RASAL2: variants seen among roughly 807,000 people sequenced by gnomAD.
RASAL2 encodes the protein ras GTPase-activating protein nGAP.
RASAL2 carries 58 observed loss-of-function variants against 128.9 expected under a neutral mutation model. The ratio of observed to expected loss-of-function variants is 0.45; its 90% CI spans 0.36 to 0.56. RASAL2 has a LOEUF of 0.56. Ranked by LOEUF, RASAL2 falls within the 20% of genes least tolerant of loss-of-function variation. The probability of loss-of-function intolerance (pLI) is 0.00; values close to 1 mark genes in which losing one functional copy is unlikely to be tolerated. For missense variants in RASAL2, 1,360 were observed against 1,601.6 expected, an observed-to-expected ratio of 0.85 and a Z score of 2.57; for synonymous variants, 561 against 580.8, an observed-to-expected ratio of 0.97 and a Z score of 0.49.
intron 4 of RASAL2, among the ~76,000 whole-genome samples, chr1:178,414,882 CCCTTTTTACCA>C (rs1674653562): frequency 6.6e-6 from 1 of 152,056 alleles, no homozygotes; most frequent in Non-Finnish European, 1.5e-5. Context: ...ATTATCAAAT[CCCTTTTTACCA>C]TTTTAAGGTC....
chr1:178,421,772 G>A (rs1675157093), intron 5 of RASAL2, among the ~76,000 whole-genome samples: 1 of 151,780 alleles, frequency 6.6e-6, no homozygotes, highest in South Asian at 2.1e-4. Flanking sequence ...ACTTGATGAG[G>A]GACTACTGCT....
At chr1:178,148,743 C>A (rs1660814058) in intron 1 of RASAL2, among the ~76,000 whole-genome samples, 1 of 152,148 alleles carries the variant, frequency 6.6e-6, no homozygotes, top group African/African-American at 2.4e-5. Flanking sequence ...CTCACCCAAC[C>A]CCTTTACCAT....
Position 178,454,492 on chromosome 1 carries a change from A to G in RASAL2, c.2055A>G (p.Leu685=), listed in dbSNP as rs771435820. 6.2e-7 allele frequency: 1 copy of G among 1,613,456 alleles called. No individual in the cohort carries two copies. Among genetic ancestry groups the G allele is most frequent in the Non-Finnish European group, 8.5e-7 (1 of 1,179,518 alleles). Residue 685 remains leucine, a synonymous_variant, in exon 12 of 18, where the codon TTA becomes TTG. Coordinates refer to ENST00000367649, the MANE Select transcript of RASAL2 (RefSeq NM_170692.4). ...EEYMAFMNDF[L]EHEWGGMKRF... ...ACATGGCATTCATGAATGATTTTTT[A>G]GAACATGAATGGGGTGGAATGAAGC...
intron 4 of RASAL2, among the ~76,000 whole-genome samples, chr1:178,397,616 CT>C (rs1030646176): frequency 1.0e-3 from 144 of 144,292 alleles, no homozygotes; most frequent in Admixed American, 1.4e-3. Context: ...TTTTTACTTA[CT>C]TTTTTTTTTT....
At chr1:178,129,092 G>T (rs1660003697) in intron 1 of RASAL2, among the ~76,000 whole-genome samples, 1 of 151,838 alleles carries the variant, frequency 6.6e-6, no homozygotes, top group Non-Finnish European at 1.5e-5. Context: ...AGTTCTCTTT[G>T]GCATATACCT....
intron 1 of RASAL2, among the ~76,000 whole-genome samples, chr1:178,195,588 T>A (rs1334172378): frequency 2.0e-5 from 3 of 152,132 alleles, no homozygotes; most frequent in African/African-American, 7.2e-5. Flanking sequence ...CTGTGAGAAT[T>A]AAAAATAATA....
At chr1:178,150,312 A>G (rs1660868502) in intron 1 of RASAL2, among the ~76,000 whole-genome samples, 3 of 151,926 alleles carry the variant, frequency 2.0e-5, no homozygotes, top group Admixed American at 2.0e-4. Context: ...CTCCCACCTT[A>G]GCCTCCCAAG....
At chr1:178,430,697 A>G (rs756548723) in intron 5 of RASAL2, among the ~76,000 whole-genome samples, 3 of 152,106 alleles carry the variant, frequency 2.0e-5, no homozygotes, top group Admixed American at 6.6e-5. Flanking sequence ...TTATCTACAC[A>G]TATCTTAAAT....
chr1:178,344,700 CTATT>C (rs1260195828), intron 3 of RASAL2, among the ~76,000 whole-genome samples: 1 of 152,134 alleles, frequency 6.6e-6, no homozygotes, highest in Admixed American at 6.5e-5. Context: ...AAGGAGGTGA[CTATT>C]GTATTGTGAA....
At chr1:178,247,532 T>C (rs187394261) in intron 1 of RASAL2, among the ~76,000 whole-genome samples, 33 of 152,290 alleles carry the variant, frequency 2.2e-4, no homozygotes, top group African/African-American at 6.5e-4. Flanking sequence ...CCTGGATTCA[T>C]TTATTTTTTG....
At chr1:178,470,758 A>G (rs779414647) in intron 17 of RASAL2, 14 of 1,358,550 alleles carry the variant, frequency 1.0e-5, no homozygotes, top group Non-Finnish European at 1.4e-5. Context: ...CTAGCTGAGC[A>G]GTTCCCAGCC....
At chr1:178,407,301 C>T (rs1418509816) in intron 4 of RASAL2, among the ~76,000 whole-genome samples, 7 of 152,116 alleles carry the variant, frequency 4.6e-5, no homozygotes, top group Non-Finnish European at 7.4e-5. Flanking sequence ...TAAACTTGAA[C>T]GTTTTCAGTT....
chr1:178,313,714 G>A (rs1668365362), intron 3 of RASAL2, among the ~76,000 whole-genome samples: 1 of 152,122 alleles, frequency 6.6e-6, no homozygotes, highest in South Asian at 2.1e-4. Flanking sequence ...ATATTACATT[G>A]ATGACGACAG....
chr1:178,267,622 C>CTTT lies in RASAL2; in HGVS notation c.203-15927_203-15925dup, dbSNP rs1282624626. Among the ~76,000 whole-genome samples, 63 of 120,472 alleles carry CTTT rather than the reference C, an allele frequency of 5.2e-4. 1 individual carries two copies. The highest frequency in any genetic ancestry group is 2.2e-3 in the South Asian group (8 of 3,682). The allele number at this position is 120,472 out of a possible 152,430, so 79.0% of individuals were successfully genotyped here. ...CCAGGTAACGTATCAGATCTAGTGT[C>CTTT]TTTTTTTTTTTTTTTTTGAGAGGGA... On this transcript the variant is annotated intron_variant, in intron 1 of 17. Coordinates refer to ENST00000367649, the MANE Select transcript of RASAL2 (RefSeq NM_170692.4).
chr1:178,430,959 G>A (rs1446725055), intron 5 of RASAL2, among the ~76,000 whole-genome samples: 1 of 148,798 alleles, frequency 6.7e-6, no homozygotes, highest in South Asian at 2.1e-4. Context: ...TCTTATACCA[G>A]CAGAATACTA....
At chr1:178,433,546 A>G (rs1359385894) in intron 5 of RASAL2, among the ~76,000 whole-genome samples, 2 of 151,860 alleles carry the variant, frequency 1.3e-5, no homozygotes, top group African/African-American at 4.9e-5. Context: ...ATGGATTCAT[A>G]CATATATTCA....
At position 178,454,470 on chromosome 1, in the gene RASAL2, T is replaced by C; in HGVS notation, c.2033T>C (p.Met678Thr). 6.2e-7 allele frequency: 1 copy of C among 1,612,566 alleles called. No homozygotes were observed. ...AGGTTTGGTAACAAAGAGGAATACATGGCATTCATGAATGATTTTTTAGAA... is the reference window on the plus strand; with the variant it reads ...AGGTTTGGTAACAAAGAGGAATACACGGCATTCATGAATGATTTTTTAGAA... The part of the protein sequence containing the change: ...FAKFGNKEEY[M>T]AFMNDFLEHE... Residue 678 changes from methionine (M) to threonine (T), a missense_variant, in exon 12 of 18, where the codon ATG becomes ACG. Around this residue, in one of 3 missense-constraint regions of RASAL2, gnomAD observed 741 missense variants for 868.6 expected, o/e 0.85. Coordinates refer to ENST00000367649, the MANE Select transcript of RASAL2 (RefSeq NM_170692.4).
At chr1:178,298,410 A>G (rs1479006897) in intron 2 of RASAL2, among the ~76,000 whole-genome samples, 1 of 152,088 alleles carries the variant, frequency 6.6e-6, no homozygotes, top group Non-Finnish European at 1.5e-5. Context: ...GAAATGGGAG[A>G]ATTGGGGGTC....
chr1:178,365,591 C>T (rs921839444), intron 3 of RASAL2, among the ~76,000 whole-genome samples: 4 of 152,114 alleles, frequency 2.6e-5, no homozygotes, highest in Non-Finnish European at 5.9e-5. Context: ...CCTGCCTCAG[C>T]CTCCCAAGTA....
Sources: allele counts gnomAD v4.1 joint callset (sites outside exome capture counted in the v4.1 genomes callset), GRCh38; gene constraint gnomAD v4.1.1; regional missense constraint gnomAD v4.1.1; transcripts MANE v1.5; gene names NCBI Gene and HGNC (gene_info 2026-07-23, HGNC 2026-07-21).